MICU1: variants seen among roughly 807,000 people sequenced by gnomAD.
MICU1 encodes mitochondrial calcium uptake 1, also known as calcium uptake protein 1, mitochondrial.
A neutral mutation model predicts 56.8 loss-of-function variants in MICU1; 45 were observed. The ratio of observed to expected loss-of-function variants is 0.79; its 90% CI spans 0.62 to 1.02. The LOEUF is 1.02. Among genes scored for constraint, MICU1 ranks in the 50% least tolerant of loss-of-function variants. The pLI, the probability that MICU1 is intolerant of heterozygous loss-of-function variation, is 0.00. For missense variants in MICU1, 504 were observed against 587.1 expected, an observed-to-expected ratio of 0.86 and a Z score of 1.46; for synonymous variants, 186 against 195.1, an observed-to-expected ratio of 0.95 and a Z score of 0.39.
chr10:72,572,912 A>C (rs1840646593), intron 1 of MICU1, among the ~76,000 whole-genome samples: 1 of 152,106 alleles, frequency 6.6e-6, no homozygotes, highest in African/African-American at 2.4e-5. Flanking sequence ...TACTCATATA[A>C]TCTGCATATA....
Position 72,562,999 on chromosome 10 carries a change from T to G in MICU1, c.226A>C (p.Asn76His), listed in dbSNP as rs780221129. 6 of 1,609,644 alleles carry G rather than the reference T, an allele frequency of 3.7e-6. No individual in the cohort carries two copies. In the African/African-American group the frequency reaches 6.7e-5, roughly 18 times the overall value. The change falls in exon 3 of 12, where the codon AAT (asparagine) becomes CAT (histidine). Residue 76 changes from asparagine to histidine, a missense_variant. Coordinates refer to ENST00000361114, the MANE Select transcript of MICU1 (RefSeq NM_001195518.2). The stretch of plus-strand genomic sequence containing the variant: ...TTACAAACATCCCCTTCATCTTTAT[T>G]CTTCCCTTTATCACCGATGTCACTT... ...LKSDIGDKGK[N>H]KDEGDVCNHE...
chr10:72,548,500 T>C (rs1331851914), intron 4 of MICU1, among the ~76,000 whole-genome samples: 2 of 152,174 alleles, frequency 1.3e-5, no homozygotes, highest in Non-Finnish European at 2.9e-5. Flanking sequence ...CATGCAAAAG[T>C]ATTTACAGGT....
Position 72,498,171 on chromosome 10 carries a change from G to C in MICU1, c.652+9984C>G, listed in dbSNP as rs148766373. Reference sequence around the variant, plus strand: ...AATTTTGATTGGACAAGTCAGATGAGAAGAAGGAATACTTTTACATGTTAG... The same window carrying C: ...AATTTTGATTGGACAAGTCAGATGACAAGAAGGAATACTTTTACATGTTAG... On this transcript the variant is annotated intron_variant, in intron 6 of 11. Coordinates refer to ENST00000361114, the MANE Select transcript of MICU1 (RefSeq NM_001195518.2). 2.6e-3 allele frequency among the ~76,000 whole-genome samples: 391 copies of C among 152,326 alleles called. 2 individuals are homozygous for C. Among genetic ancestry groups the C allele is most frequent in the Non-Finnish European group, 4.9e-4 (33 of 68,022 alleles).
At chr10:72,583,236 G>A (rs1169935344) in intron 1 of MICU1, 1 of 151,552 alleles carries the variant, frequency 6.6e-6, no homozygotes, top group East Asian at 1.9e-4. Flanking sequence ...TTTACTTAGG[G>A]TAGGAAAGCG....
chr10:72,468,129 C>T (rs1865848830), intron 8 of MICU1, among the ~76,000 whole-genome samples: 1 of 152,118 alleles, frequency 6.6e-6, no homozygotes, highest in Non-Finnish European at 1.5e-5. Flanking sequence ...GCCATCGTGC[C>T]GGGCCAAAAT....
chr10:72,375,704 C>T (rs1862493333), intron 11 of MICU1, 79 bp downstream of exon 11: 26 of 1,340,510 alleles, frequency 1.9e-5, no homozygotes, highest in Middle Eastern at 2.2e-4. Flanking sequence ...AGATGCTGTC[C>T]GCAAGGCTCC....
At chr10:72,430,514 G>A (rs7077547) in intron 8 of MICU1, among the ~76,000 whole-genome samples, 98,550 of 151,944 alleles carry the variant, frequency 0.65, 33,122 homozygotes, top group African/African-American at 0.77. Context: ...AGGAAGCATC[G>A]GCACTCCATT....
chr10:72,526,194 A>G (rs1027871074), intron 5 of MICU1, among the ~76,000 whole-genome samples: 11 of 152,258 alleles, frequency 7.2e-5, no homozygotes, highest in Admixed American at 7.2e-4. Flanking sequence ...ATGGGAAAGA[A>G]GGAAGATGGC....
intron 8 of MICU1, among the ~76,000 whole-genome samples, chr10:72,430,495 C>T (rs543393522): frequency 6.6e-6 from 1 of 152,286 alleles, no homozygotes; most frequent in South Asian, 2.1e-4. Context: ...CTCCCACTTA[C>T]CCTGAGAAAG....
At chr10:72,440,603 T>G (rs1341927727) in intron 8 of MICU1, among the ~76,000 whole-genome samples, 5 of 151,980 alleles carry the variant, frequency 3.3e-5, no homozygotes, top group South Asian at 2.1e-4. Flanking sequence ...ACCATCAGAG[T>G]GAACAGGCAA....
At chr10:72,443,442 G>A (rs1865005247) in intron 8 of MICU1, among the ~76,000 whole-genome samples, 1 of 152,168 alleles carries the variant, frequency 6.6e-6, no homozygotes, top group South Asian at 2.1e-4. Flanking sequence ...TGAAGTCCTT[G>A]CCCGTGCCTA....
intron 10 of MICU1, among the ~76,000 whole-genome samples, chr10:72,401,796 A>G (rs1166583452): frequency 6.6e-6 from 1 of 152,222 alleles, no homozygotes; most frequent in Non-Finnish European, 1.5e-5. Flanking sequence ...CAGAGTGTAA[A>G]CTAGCTCTCT....
intron 4 of MICU1, among the ~76,000 whole-genome samples, chr10:72,537,545 T>C (rs1172988970): frequency 6.6e-6 from 1 of 152,216 alleles, no homozygotes; most frequent in Admixed American, 6.5e-5. Flanking sequence ...TTTTAAACTT[T>C]TATTCAAAGA....
chr10:72,399,361 A>G (rs1045430776), intron 10 of MICU1, among the ~76,000 whole-genome samples: 23 of 152,188 alleles, frequency 1.5e-4, no homozygotes, highest in Non-Finnish European at 2.9e-4. Flanking sequence ...TACCTAATGT[A>G]AATGATGAGT....
intron 1 of MICU1, among the ~76,000 whole-genome samples, chr10:72,619,477 ATATCT>A (rs1842052800): frequency 2.0e-5 from 3 of 152,250 alleles, no homozygotes; most frequent in Admixed American, 1.3e-4. Context: ...AACAGATAAA[ATATCT>A]TATTTACTCA....
intron 8 of MICU1, among the ~76,000 whole-genome samples, chr10:72,428,479 A>AT (rs1324427838): frequency 6.6e-6 from 1 of 152,060 alleles, no homozygotes; most frequent in African/African-American, 2.4e-5. Flanking sequence ...TGCCTGGTTA[A>AT]TTTTTTGTAT....
Position 72,551,349 on chromosome 10 carries a change from T to G in MICU1, c.331-8A>C. ...ATTCTCATATTCCATCACCTAAAGT[T>G]AGAAATTTAGAAAGTGTTACTATAT... On this transcript the variant is annotated splice_region_variant and splice_polypyrimidine_tract_variant and intron_variant, in intron 3 of 11. Transcript: ENST00000361114. 1.3e-6 allele frequency: 2 copies of G among 1,593,130 alleles called. No homozygotes were observed. The highest frequency in any genetic ancestry group is 1.8e-5 in the Admixed American group (1 of 55,936).
rs112350236 is a variant in MICU1, at chr10:72,460,985, T to C, written c.933+14115A>G. Among the ~76,000 whole-genome samples the C allele has an allele frequency of 7.1e-4, 108 of 152,110 alleles. 1 individual carries two copies. The Middle Eastern group carries it at 0.014, about 19-fold the overall frequency. ...AAGATGGCTATAAGAGGGATAAAAATGAAAAGACCTACTCAGACACCGTGG... is the reference window on the plus strand; with the variant it reads ...AAGATGGCTATAAGAGGGATAAAAACGAAAAGACCTACTCAGACACCGTGG... On this transcript the variant is annotated intron_variant, in intron 8 of 11. Coordinates refer to ENST00000361114, the MANE Select transcript of MICU1 (RefSeq NM_001195518.2).
chr10:72,513,047 A>G (rs1007201747), intron 5 of MICU1, among the ~76,000 whole-genome samples: 7 of 152,104 alleles, frequency 4.6e-5, no homozygotes, highest in Non-Finnish European at 1.0e-4. Flanking sequence ...TCTGTCGCAC[A>G]GGATGAAATG....
Sources: allele counts gnomAD v4.1 joint callset (sites outside exome capture counted in the v4.1 genomes callset), GRCh38; gene constraint gnomAD v4.1.1; transcripts MANE v1.5; gene names NCBI Gene and HGNC (gene_info 2026-07-23, HGNC 2026-07-21).